GIGYF2: variants seen among roughly 807,000 people sequenced by gnomAD.
GIGYF2 encodes the protein GRB10-interacting GYF protein 2.
A neutral mutation model predicts 208.1 loss-of-function variants in GIGYF2; 25 were observed. That is an observed-to-expected ratio of 0.12 (90% CI 0.09 to 0.17). The LOEUF (loss-of-function observed/expected upper bound fraction) is 0.17. GIGYF2 is among the 10% of genes least tolerant of loss of function. GIGYF2 has a pLI of 1.00. For synonymous variants in GIGYF2, 534 were observed against 543.8 expected (o/e 0.98, Z 0.25); for missense variants, 1,302 against 1,579.4 (o/e 0.82, Z 2.98).
At position 232,740,268 on chromosome 2, in the gene GIGYF2, G is replaced by A. The variant is rs914237764; in HGVS notation, c.41+5030G>A. On this transcript the variant is annotated intron_variant, in intron 3 of 28. Transcript: ENST00000373563. ...GCCTAGGCATTTGAGACCAACCTGG[G>A]ACAACATAGTGAGAACCCGTCTTTA... Among the ~76,000 whole-genome samples, 15 of 152,122 alleles carry A rather than the reference G, an allele frequency of 9.9e-5. 1 individual carries two copies. The highest frequency in any genetic ancestry group is 7.2e-4 in the Admixed American group (11 of 15,272).
chr2:232,709,568 T>G (rs112673634), intron 2 of GIGYF2, among the ~76,000 whole-genome samples: 2 of 152,030 alleles, frequency 1.3e-5, no homozygotes, highest in Non-Finnish European at 2.9e-5. Flanking sequence ...CCCCACACTT[T>G]AGGAGGCTGA....
At chr2:232,816,417 A>T (rs1700912457) in intron 19 of GIGYF2, among the ~76,000 whole-genome samples, 1 of 152,180 alleles carries the variant, frequency 6.6e-6, no homozygotes, top group Non-Finnish European at 1.5e-5. Flanking sequence ...TGCTGTTAAA[A>T]CGTTATAGCC....
rs761420709 is a variant in GIGYF2, at chr2:232,791,188, C to T, written c.1093+18C>T. 2.5e-6 allele frequency: 4 copies of T among 1,613,722 alleles called. No individual in the cohort carries two copies. Among genetic ancestry groups the T allele is most frequent in the African/African-American group, 1.3e-5 (1 of 74,850 alleles). Reference sequence around the variant, plus strand: ...AGGAGTTGGTAAGGCCTCTTCTTGCCCTTTGCCTTTTTTTTCCTCCATCAA... The same window carrying T: ...AGGAGTTGGTAAGGCCTCTTCTTGCTCTTTGCCTTTTTTTTCCTCCATCAA... On this transcript the variant is annotated intron_variant, in intron 11 of 28. Coordinates refer to ENST00000373563, the MANE Select transcript of GIGYF2 (RefSeq NM_001103146.3).
intron 9 of GIGYF2, 97 bp downstream of exon 9, chr2:232,787,426 A>G: frequency 2.8e-6 from 3 of 1,073,570 alleles, no homozygotes; most frequent in Non-Finnish European, 4.2e-6. Context: ...GGCTTAAAAA[A>G]TGTGGGGGTG....
rs146762577 is a variant in GIGYF2 at position 232,844,554 on chromosome 2, T to C, written c.3285T>C (p.Asn1095=). Reference sequence around the variant, plus strand: ...GACCTAGGAATTCAACAAATAAAAATAAAAACAACGCCAGTCTCAGGTAGG... The same window carrying C: ...GACCTAGGAATTCAACAAATAAAAACAAAAACAACGCCAGTCTCAGGTAGG... ...EVGPRNSTNK[N]KNNASLSKSV... The change falls in exon 25 of 29, where the codon AAT becomes AAC. Residue 1095 remains asparagine (N), a synonymous_variant. Transcript: ENST00000373563. 6.2e-7 allele frequency: 1 copy of C among 1,612,306 alleles called. No individual in the cohort carries two copies. Among genetic ancestry groups the C allele is most frequent in the Non-Finnish European group, 8.5e-7 (1 of 1,178,906 alleles).
chr2:232,751,519 A>T (rs1340956228), intron 5 of GIGYF2, among the ~76,000 whole-genome samples: 2 of 152,128 alleles, frequency 1.3e-5, no homozygotes, highest in Non-Finnish European at 2.9e-5. Context: ...GCCTGGCCAC[A>T]TTATGATTTT....
chr2:232,829,721 C>G (rs892749542), intron 21 of GIGYF2, among the ~76,000 whole-genome samples: 24 of 152,154 alleles, frequency 1.6e-4, no homozygotes, highest in Admixed American at 1.6e-3. Context: ...ATTTCCCCCC[C>G]AGGTTAATGT....
chr2:232,836,405 T>TATATAAATATATATATATAC (rs1701638912), intron 22 of GIGYF2, among the ~76,000 whole-genome samples: 1 of 129,148 alleles, frequency 7.7e-6, no homozygotes, highest in Admixed American at 8.6e-5. Context: ...TATAAATATA[T>TATATAAATATATATATATAC]ATATAAATAA....
chr2:232,733,508 GTTTA>G (rs1456192905), intron 2 of GIGYF2, among the ~76,000 whole-genome samples: 1 of 152,192 alleles, frequency 6.6e-6, no homozygotes, highest in African/African-American at 2.4e-5. Flanking sequence ...CATATTTGTA[GTTTA>G]TTATTTTTTA....
chr2:232,777,453 T>C (rs1165070912), intron 8 of GIGYF2, among the ~76,000 whole-genome samples: 1 of 152,174 alleles, frequency 6.6e-6, no homozygotes, highest in Non-Finnish European at 1.5e-5. Flanking sequence ...TAGCTGCTGA[T>C]TTTAAAACTT....
chr2:232,847,200 A>G (rs1702034352), intron 26 of GIGYF2, 148 bp from the exon 27 acceptor site: 5 of 772,440 alleles, frequency 6.5e-6, no homozygotes, highest in Non-Finnish European at 1.1e-5. Context: ...ATAAAAGAAT[A>G]TTTAAACACA....
At chr2:232,803,626 A>G (rs1052285817) in intron 14 of GIGYF2, among the ~76,000 whole-genome samples, 1 of 150,470 alleles carries the variant, frequency 6.6e-6, no homozygotes, top group Non-Finnish European at 1.5e-5. Context: ...TTAGTTAAGC[A>G]TATTTGTGTG....
At chr2:232,840,666 A>G (rs1281433544) in intron 23 of GIGYF2, among the ~76,000 whole-genome samples, 6 of 152,172 alleles carry the variant, frequency 3.9e-5, no homozygotes, top group Non-Finnish European at 7.3e-5. Context: ...GAGAAGAGAA[A>G]AGTAGAAAAT....
chr2:232,813,231 C>T (rs1700791975), intron 18 of GIGYF2, among the ~76,000 whole-genome samples: 1 of 148,834 alleles, frequency 6.7e-6, no homozygotes, highest in African/African-American at 2.5e-5. Flanking sequence ...GCACTGTTGC[C>T]CGGGCTAGAG....
chr2:232,708,692 A>AG (rs58360792), intron 2 of GIGYF2, among the ~76,000 whole-genome samples: 1 of 129,278 alleles, frequency 7.7e-6, no homozygotes, highest in Non-Finnish European at 1.6e-5. Context: ...AAAAAAAAAA[A>AG]GTAGCTGGGC....
At position 232,844,433 on chromosome 2, in the gene GIGYF2, A is replaced by C. The variant is rs1329338621; in HGVS notation, c.3164A>C (p.Asn1055Thr). Residue 1055 changes from asparagine to threonine, a missense_variant, in exon 25 of 29, where the codon AAC becomes ACC. Physicochemically the swap from Asn to Thr is moderately conservative, Grantham distance 65 (BLOSUM62 0). This residue lies in a region of GIGYF2 where 701 missense variants were observed against 793.0 expected (regional missense o/e 0.88). Coordinates refer to ENST00000373563, the MANE Select transcript of GIGYF2 (RefSeq NM_001103146.3). Reference protein sequence around the residue: ...VWGSINTGPPNQWASDLVSSI... With the variant: ...VWGSINTGPPTQWASDLVSSI... ...GGCTCTATAAATACTGGTCCTCCTA[A>C]CCAGTGGGCATCTGACCTAGTCAGT... 1 of 1,613,414 alleles carries C rather than the reference A, an allele frequency of 6.2e-7. No individual in the cohort carries two copies. Among genetic ancestry groups the C allele is most frequent in the Non-Finnish European group, 8.5e-7 (1 of 1,179,332 alleles).
chr2:232,786,489 G>A (rs1030467604), intron 8 of GIGYF2, among the ~76,000 whole-genome samples: 30 of 152,256 alleles, frequency 2.0e-4, no homozygotes, highest in African/African-American at 6.3e-4. Context: ...CACCTGTCTC[G>A]GCCTCCCAAA....
chr2:232,858,870 T>G lies in GIGYF2; in HGVS notation c.*2010T>G. ...CTCTCCCTTTCTGCTAACATGTGGA[T>G]CAGCTCCTGCCCTCATACCGCAGAC... is the stretch of plus-strand genomic sequence containing the variant. On this transcript the variant is annotated 3_prime_UTR_variant, in exon 29 of 29. Coordinates refer to ENST00000373563, the MANE Select transcript of GIGYF2 (RefSeq NM_001103146.3). 1 of 275,898 alleles carries G rather than the reference T, an allele frequency of 3.6e-6. No individual in the cohort carries two copies. The highest frequency in any genetic ancestry group is 4.0e-5 in the South Asian group (1 of 25,300). The allele number at this position is 275,898 out of a possible 1,614,324, so 17.1% of individuals were successfully genotyped here. A position where few individuals can be genotyped will look rare whatever the true frequency, so the allele number is the denominator to read the frequency against.
Position 232,742,292 on chromosome 2 carries a change from A to G in GIGYF2, c.42-5323A>G, listed in dbSNP as rs1574827682. ...GCAGTGGCTCACCCCTATAATCCCAACACTTTGGGAGACTGAGGCGGGTGG... is the reference window on the plus strand; with the variant it reads ...GCAGTGGCTCACCCCTATAATCCCAGCACTTTGGGAGACTGAGGCGGGTGG... On this transcript the variant is annotated intron_variant, in intron 3 of 28. Coordinates refer to ENST00000373563, the MANE Select transcript of GIGYF2 (RefSeq NM_001103146.3). Among the ~76,000 whole-genome samples the G allele has an allele frequency of 2.0e-5, 3 of 152,272 alleles. No individual in the cohort carries two copies. In the East Asian group the frequency reaches 5.8e-4, roughly 29 times the overall value.
Sources: gnomAD v4.1 joint callset for allele counts (sites outside exome capture counted in the v4.1 genomes callset) on GRCh38, gnomAD v4.1.1 for gene constraint, gnomAD v4.1.1 regional missense constraint, MANE v1.5 for transcripts, NCBI Gene and HGNC (gene_info 2026-07-23, HGNC 2026-07-21) for gene names.